The following NBPF14 variants were observed in gnomAD, a reference collection of about 807,000 sequenced individuals.
The protein encoded by NBPF14 is NBPF member 14.
In NBPF14, 104 loss-of-function variants were observed where a neutral mutation model predicts 91.2. The ratio of observed to expected loss-of-function variants is 1.14; its 90% CI spans 0.97 to 1.34. The LOEUF (loss-of-function observed/expected upper bound fraction) is 1.34. NBPF14 is among the 40% of genes most tolerant of loss of function. The pLI, the probability that NBPF14 is intolerant of heterozygous loss-of-function variation, is 0.00. For missense variants in NBPF14, 908 were observed against 783.0 expected, an observed-to-expected ratio of 1.16 and a Z score of -1.91; for synonymous variants, 294 against 303.8, an observed-to-expected ratio of 0.97 and a Z score of 0.34.
intron 70 of NBPF14, 133 bp from the exon 71 acceptor site, chr1:148,533,381 A>T: frequency 1.7e-6 from 1 of 574,624 alleles, no homozygotes; most frequent in Non-Finnish European, 3.1e-6. Context: ...AGGTAAAAAA[A>T]AAATTTATTG....
Position 148,534,630 on chromosome 1 carries a change from C to A in NBPF14, c.8614+54G>T, listed in dbSNP as rs1322849997. The A allele has an allele frequency of 2.5e-4, 226 of 895,270 alleles. 2 individuals are homozygous for A. In the East Asian group the frequency reaches 2.7e-3, roughly 11 times the overall value. 55.5% of individuals were successfully genotyped at this position (895,270 alleles called of 1,614,324 possible). A position where few individuals can be genotyped will look rare whatever the true frequency, so the allele number is the denominator to read the frequency against. On this transcript the variant is annotated intron_variant, in intron 69 of 70. Transcript: ENST00000619423. ...AGGGCCACTTGGAATAGGAATATCA[C>A]CCCTATCTGGAAGACCAGGTGGAGG...
At chr1:148,591,336 G>T in intron 5 of NBPF14, 96 bp downstream of exon 5, 1 of 1,448,260 alleles carries the variant, frequency 6.9e-7, no homozygotes, top group Non-Finnish European at 9.7e-7. Flanking sequence ...AAGGGAATGC[G>T]GGCATTTGGC....
In NBPF14 at chr1:148,566,214, G is replaced by T. The variant is rs1658233115; in HGVS notation, c.3644C>A (p.Ser1215Tyr). The T allele has an allele frequency of 8.6e-6, 5 of 582,692 alleles. 1 individual carries two copies. The highest frequency in any genetic ancestry group is 1.5e-5 in the Non-Finnish European group (5 of 332,016). 36.1% of individuals were successfully genotyped at this position (582,692 alleles called of 1,614,324 possible). ...AAAGGAACTTCCATAGGGCTGGCAGGAGTCAGGCTGTTCAAGACAACTGGA... is the reference window on the plus strand; with the variant it reads ...AAAGGAACTTCCATAGGGCTGGCAGTAGTCAGGCTGTTCAAGACAACTGGA... The change falls in exon 29 of 71, where the codon TCC becomes TAC. Residue 1215 changes from serine to tyrosine, a missense_variant. Ser to Tyr is a moderately radical substitution (Grantham distance 144, BLOSUM62 -2). This residue lies in a region of NBPF14 where 447 missense variants were observed against 189.1 expected (regional missense o/e 2.36). Coordinates refer to ENST00000619423, the Ensembl canonical transcript of NBPF14.
chr1:148,557,631 C>T, intron 39 of NBPF14, 89 bp from the exon 40 acceptor site: 4 of 578,106 alleles, frequency 6.9e-6, no homozygotes, highest in Non-Finnish European at 1.2e-5. Flanking sequence ...ACAGGGATCT[C>T]AGGCTCCTCA....
At chr1:148,539,261 C>T in intron 63 of NBPF14, 149 bp downstream of exon 63, 1 of 608,078 alleles carries the variant, frequency 1.6e-6, no homozygotes, top group Non-Finnish European at 2.9e-6. Flanking sequence ...CCAACTGAGA[C>T]TACAGTTTCT....
At chr1:148,532,250 A>G (rs1438799455) in exon 71 of NBPF14, 1 of 151,358 alleles carries the variant, frequency 6.6e-6, no homozygotes, top group Non-Finnish European at 1.5e-5. Flanking sequence ...TATGAAACTC[A>G]GGCTAAGCGT....
intron 14 of NBPF14, among the ~76,000 whole-genome samples, chr1:148,577,634 G>A (rs1426488454): frequency 1.3e-5 from 2 of 149,380 alleles, no homozygotes; most frequent in Non-Finnish European, 2.9e-5. Context: ...TGATGAGGGA[G>A]TCAAAGGACA....
chr1:148,577,505 G>A (rs1660050746), intron 14 of NBPF14, 150 bp from the exon 15 acceptor site: 3 of 709,272 alleles, frequency 4.2e-6, no homozygotes, highest in East Asian at 2.7e-5. Flanking sequence ...TTTATGTTGG[G>A]ATAGACTATG....
chr1:148,533,226 C>A (rs782170655), exon 71 of NBPF14: 10 of 697,312 alleles, frequency 1.4e-5, no homozygotes, highest in Non-Finnish European at 2.1e-5. Flanking sequence ...CGCTCTTCCA[C>A]TTCCATCAGC....
intron 68 of NBPF14, 50 bp downstream of exon 68, chr1:148,535,403 A>G: frequency 2.0e-6 from 1 of 506,844 alleles, no homozygotes. Flanking sequence ...TGGACCTGGC[A>G]TCTCCAGGTG....
chr1:148,535,000 T>G (rs1384549845), intron 68 of NBPF14, 144 bp from the exon 69 acceptor site: 1 of 710,464 alleles, frequency 1.4e-6, no homozygotes, highest in South Asian at 1.5e-5. Flanking sequence ...ATTGCCTTTA[T>G]GTTGGGATAG....
rs1320736754 is a variant in NBPF14 at position 148,534,827 on chromosome 1, T to A, written c.8471A>T (p.Asp2824Val). ...CAGTGAGTCCTGCAAGACTTCAGGA[T>A]CTTTCTCATCCAGCAGCTCCCTGCT... is the stretch of plus-strand genomic sequence containing the variant. Residue 2824 changes from aspartate to valine, a missense_variant, in exon 69 of 71, where the codon GAT (aspartate) becomes GTT (valine). By Grantham distance (152) the Asp-to-Val change is radical. This residue lies in a region of NBPF14 where 279 missense variants were observed against 107.7 expected (regional missense o/e 2.59). Coordinates refer to ENST00000619423, the Ensembl canonical transcript of NBPF14. 1.6e-5 allele frequency: 18 copies of A among 1,128,682 alleles called. 2 individuals carry two copies. Among genetic ancestry groups the A allele is most frequent in the Admixed American group, 1.2e-4 (7 of 57,816 alleles). The allele number at this position is 1,128,682 out of a possible 1,614,324, so 69.9% of individuals were successfully genotyped here. A position where few individuals can be genotyped will look rare whatever the true frequency, so the allele number is the denominator to read the frequency against.
intron 67 of NBPF14, among the ~76,000 whole-genome samples, chr1:148,535,948 G>C (rs1570912502): frequency 6.6e-6 from 1 of 150,604 alleles, no homozygotes; most frequent in South Asian, 2.1e-4. Context: ...AATCAGAGTT[G>C]TGTGAATTTG....
At chr1:148,561,721 T>C (rs1657756094) in intron 34 of NBPF14, 142 bp from the exon 35 acceptor site, 4 of 428,966 alleles carry the variant, frequency 9.3e-6, no homozygotes, top group Non-Finnish European at 7.7e-6. Flanking sequence ...ATTATTGCCT[T>C]CATGTTGGGA....
At chr1:148,533,218 C>T (rs1161090701) in exon 71 of NBPF14, 4 of 694,924 alleles carry the variant, frequency 5.8e-6, no homozygotes, top group South Asian at 4.1e-5. Context: ...AGACTTCACG[C>T]TCTTCCACTT....
chr1:148,560,272 A>C (rs1657585681), intron 36 of NBPF14, among the ~76,000 whole-genome samples: 1 of 145,676 alleles, frequency 6.9e-6, no homozygotes, highest in Non-Finnish European at 1.5e-5. Context: ...TAGTGCCCTC[A>C]TGACACACAG....
intron 39 of NBPF14, among the ~76,000 whole-genome samples, 171 bp from the exon 40 acceptor site, chr1:148,557,713 G>A (rs1175509390): frequency 7.7e-6 from 1 of 130,172 alleles, no homozygotes; most frequent in South Asian, 2.6e-4. Context: ...TCCTTGCTTT[G>A]CATCTCAGAA....
At chr1:148,577,432 A>G in intron 14 of NBPF14, 77 bp from the exon 15 acceptor site, 1 of 662,618 alleles carries the variant, frequency 1.5e-6, no homozygotes, top group Non-Finnish European at 2.8e-6. Context: ...TTTCATGGCT[A>G]ACGTAAGGAA....
chr1:148,533,768 GA>G (rs1553331750), intron 70 of NBPF14, 92 bp downstream of exon 70: 1 of 762,508 alleles, frequency 1.3e-6, no homozygotes, highest in South Asian at 1.3e-5. Flanking sequence ...AGCCTTTGTT[GA>G]AAATATGACA....
Sources: allele counts gnomAD v4.1 joint callset (sites outside exome capture counted in the v4.1 genomes callset), GRCh38; gene constraint gnomAD v4.1.1; regional missense constraint gnomAD v4.1.1; transcripts MANE v1.5; gene names NCBI Gene and HGNC (gene_info 2026-07-23, HGNC 2026-07-21).